HMCN1: variants seen among roughly 807,000 people sequenced by gnomAD.
HMCN1 encodes hemicentin-1.
A neutral mutation model predicts 625.9 loss-of-function variants in HMCN1; 321 were observed. The observed-to-expected ratio is 0.51, with a 90% CI of 0.47 to 0.56. The LOEUF is 0.56. HMCN1 is among the 20% of genes least tolerant of loss of function. HMCN1 has a pLI of 0.00. For missense variants in HMCN1, 6,588 were observed against 6,887.3 expected (o/e 0.96, Z 1.54); for synonymous variants, 2,425 against 2,417.6 (o/e 1.00, Z -0.09).
intron 30 of HMCN1, among the ~76,000 whole-genome samples, chr1:186,010,372 A>G (rs907721162): frequency 1.3e-5 from 2 of 152,190 alleles, no homozygotes; most frequent in African/African-American, 4.8e-5. Context: ...TGAAATATTT[A>G]TGTATTTGTC....
intron 9 of HMCN1, among the ~76,000 whole-genome samples, 178 bp downstream of exon 9, chr1:185,925,369 G>T (rs1667225588): frequency 6.6e-6 from 1 of 152,166 alleles, no homozygotes; most frequent in Non-Finnish European, 1.5e-5. Context: ...GTCATAGATG[G>T]AGACAGTAAA....
At chr1:186,085,056 A>G (rs1244481395) in intron 57 of HMCN1, among the ~76,000 whole-genome samples, 1 of 152,158 alleles carries the variant, frequency 6.6e-6, no homozygotes, top group Non-Finnish European at 1.5e-5. Flanking sequence ...GTAGCTCACC[A>G]TGGCTGAAGG....
chr1:185,998,969 C>T (rs563665835), intron 25 of HMCN1, among the ~76,000 whole-genome samples: 14 of 152,108 alleles, frequency 9.2e-5, no homozygotes, highest in Admixed American at 7.9e-4. Flanking sequence ...TCAGTTTAAC[C>T]TTTTTGTTCT....
chr1:186,138,027 A>G lies in HMCN1; in HGVS notation c.13924+55A>G, dbSNP rs1307268086. ...ACAAAACTTTTCTATCTTAACCCCT[A>G]TGAAAGAATTACATTTGCCTTTTCT... On this transcript the variant is annotated intron_variant, in intron 89 of 106. Transcript: ENST00000271588. 3.8e-6 allele frequency: 6 copies of G among 1,580,322 alleles called. No homozygotes were observed. The Admixed American group carries it at 8.5e-5, about 22-fold the overall frequency.
intron 4 of HMCN1, among the ~76,000 whole-genome samples, chr1:185,896,188 G>A (rs1270945544): frequency 6.6e-6 from 1 of 151,832 alleles, no homozygotes; most frequent in Non-Finnish European, 1.5e-5. Flanking sequence ...TGCCTCCCTC[G>A]GCCTCCCAAA....
chr1:185,763,945 T>C (rs1044818344), intron 1 of HMCN1, among the ~76,000 whole-genome samples: 2 of 152,198 alleles, frequency 1.3e-5, no homozygotes, highest in Non-Finnish European at 2.9e-5. Flanking sequence ...ATTGTGCAAG[T>C]TTTTTGTTCA....
intron 1 of HMCN1, among the ~76,000 whole-genome samples, chr1:185,787,426 C>T (rs1421409164): frequency 1.3e-5 from 2 of 152,180 alleles, no homozygotes; most frequent in African/African-American, 2.4e-5. Context: ...GGCAGAAGCA[C>T]ACCCAGTGCC....
intron 4 of HMCN1, among the ~76,000 whole-genome samples, chr1:185,903,691 A>T (rs726777): frequency 0.38 from 58,311 of 151,566 alleles, 16,212 homozygotes; most frequent in African/African-American, 0.79. Flanking sequence ...TTGGTGGATT[A>T]GCTAAATCTG....
chr1:185,870,022 T>TA (rs1042753448), intron 4 of HMCN1, among the ~76,000 whole-genome samples: 11 of 135,258 alleles, frequency 8.1e-5, no homozygotes, highest in Non-Finnish European at 1.3e-4. Context: ...CTGCGTTCTG[T>TA]TTTTTTTTTT....
chr1:185,846,750 G>A (rs533683705), intron 2 of HMCN1, among the ~76,000 whole-genome samples: 166 of 152,160 alleles, frequency 1.1e-3, no homozygotes, highest in African/African-American at 3.8e-3. Context: ...TCATTTTGGC[G>A]ATCGGTACCT....
intron 1 of HMCN1, among the ~76,000 whole-genome samples, chr1:185,804,704 T>C (rs1659055274): frequency 6.6e-6 from 1 of 152,160 alleles, no homozygotes; most frequent in South Asian, 2.1e-4. Flanking sequence ...TTTCACACCT[T>C]TAGGACATTT....
chr1:185,770,760 C>A (rs1216809580), intron 1 of HMCN1, among the ~76,000 whole-genome samples: 2 of 152,178 alleles, frequency 1.3e-5, no homozygotes, highest in East Asian at 3.8e-4. Context: ...CTCTATGGAG[C>A]AGTCATTTAG....
intron 4 of HMCN1, among the ~76,000 whole-genome samples, chr1:185,878,446 A>G (rs540637801): frequency 6.8e-4 from 103 of 152,160 alleles, no homozygotes; most frequent in Non-Finnish European, 1.3e-3. Flanking sequence ...GGCTTTTACC[A>G]TGAAGGGATT....
chr1:185,953,688 C>A (rs1485851149), intron 11 of HMCN1, among the ~76,000 whole-genome samples: 1 of 151,758 alleles, frequency 6.6e-6, no homozygotes, highest in Non-Finnish European at 1.5e-5. Context: ...GGATCTTTCT[C>A]ACGGAGCAAA....
At chr1:185,918,140 T>C (rs1024859969) in intron 6 of HMCN1, among the ~76,000 whole-genome samples, 7 of 152,196 alleles carry the variant, frequency 4.6e-5, no homozygotes, top group Non-Finnish European at 1.0e-4. Context: ...ATAGGCCATC[T>C]GCAAGCTGGG....
rs1381049052 is a variant in HMCN1, at chr1:185,925,058, G to A, written c.1297G>A (p.Val433Ile). 3 of 1,612,196 alleles carry A rather than the reference G, an allele frequency of 1.9e-6. No homozygotes were observed. The highest frequency in any genetic ancestry group is 1.7e-5 in the Admixed American group (1 of 59,730). Residue 433 changes from valine to isoleucine, a missense_variant, in exon 9 of 107, where the codon GTT (valine) becomes ATT (isoleucine). By Grantham distance (29) the Val-to-Ile change is conservative. Coordinates refer to ENST00000271588, the MANE Select transcript of HMCN1 (RefSeq NM_031935.3). ...GTTTTTTTTCCTAGATGCTCCCAAA[G>A]TTACGATGCCTGAGAAAACCCCAGG... is the stretch of plus-strand genomic sequence containing the variant. ...FSSIVPDAPK[V>I]TMPEKTPGYY...
intron 6 of HMCN1, among the ~76,000 whole-genome samples, chr1:185,916,816 T>C (rs933933782): frequency 6.6e-6 from 1 of 152,110 alleles, no homozygotes; most frequent in African/African-American, 2.4e-5. Flanking sequence ...TCTGGTAGAG[T>C]ATTCTGCTTC....
intron 1 of HMCN1, among the ~76,000 whole-genome samples, chr1:185,756,544 G>T (rs1247282502): frequency 6.6e-6 from 1 of 151,628 alleles, no homozygotes; most frequent in East Asian, 1.9e-4. Context: ...ATAAATTGTA[G>T]TGAAGATTAA....
intron 100 of HMCN1, 33 bp downstream of exon 100, chr1:186,166,975 T>C: frequency 6.2e-7 from 1 of 1,613,860 alleles, no homozygotes; most frequent in South Asian, 1.1e-5. Flanking sequence ...TTTATGTTCA[T>C]GACAGTAAGA....
Sources: allele counts gnomAD v4.1 joint callset (sites outside exome capture counted in the v4.1 genomes callset), GRCh38; gene constraint gnomAD v4.1.1; transcripts MANE v1.5; gene names NCBI Gene and HGNC (gene_info 2026-07-23, HGNC 2026-07-21).